Variants in CDH22 observed in about 807,000 individuals in gnomAD.
The protein encoded by CDH22 is cadherin-22.
CDH22 carries 30 observed loss-of-function variants against 58.4 expected under a neutral mutation model. The observed-to-expected ratio is 0.51, with a 90% CI of 0.38 to 0.70. The LOEUF (loss-of-function observed/expected upper bound fraction) is 0.70, where lower values mean the gene tolerates loss of function less well. Among genes scored for constraint, CDH22 ranks in the 30% least tolerant of loss-of-function variants. The pLI is 0.00. For missense variants in CDH22, 1,014 were observed against 1,233.9 expected, an observed-to-expected ratio of 0.82 and a Z score of 2.67; for synonymous variants, 513 against 558.2, an observed-to-expected ratio of 0.92 and a Z score of 1.14.
chr20:46,174,861 C>A lies in CDH22; in HGVS notation c.2132G>T (p.Gly711Val). 1 of 1,325,008 alleles carries A rather than the reference C, an allele frequency of 7.5e-7. No individual in the cohort carries two copies. The highest frequency in any genetic ancestry group is 9.6e-7 in the Non-Finnish European group (1 of 1,037,876). The allele number at this position is 1,325,008 out of a possible 1,614,324, so 82.1% of individuals were successfully genotyped here. ...DGGGSAGGGA[G>V]GGSGGGAGSP... ...GCCCGCGCCCCCGCCCGAGCCCCCG[C>A]CCGCTCCCCCGCCCGCGCTGCCGCC... The change falls in exon 12 of 12, where the codon GGC becomes GTC. Residue 711 changes from glycine to valine, a missense_variant. Physicochemically the swap from Gly to Val is moderately radical, Grantham distance 109 (BLOSUM62 -3). Transcript: ENST00000537909. This position sits in a 1 kb window ranked among gnomAD's most constrained non-coding sequence, Gnocchi z 4.4.
At chr20:46,268,686 GGA>G (rs1367905620) in intron 1 of CDH22, among the ~76,000 whole-genome samples, 1 of 152,236 alleles carries the variant, frequency 6.6e-6, no homozygotes. Flanking sequence ...ATGGGAGAGG[GGA>G]GAGGCCAGAG....
intron 1 of CDH22, among the ~76,000 whole-genome samples, chr20:46,273,642 C>A (rs1218597543): frequency 6.6e-6 from 1 of 152,150 alleles, no homozygotes; most frequent in East Asian, 1.9e-4. Context: ...TCCGGAGAGG[C>A]AGGGCTGTGA....
intron 7 of CDH22, among the ~76,000 whole-genome samples, chr20:46,201,048 G>A (rs1272632687): frequency 6.6e-6 from 1 of 152,222 alleles, no homozygotes; most frequent in East Asian, 1.9e-4. Context: ...GGCGGCTCCA[G>A]GCCTTAAAGG....
chr20:46,247,598 A>G (rs1406263446), intron 2 of CDH22, among the ~76,000 whole-genome samples: 7 of 152,158 alleles, frequency 4.6e-5, no homozygotes. Flanking sequence ...ATGTTATGCT[A>G]TTTTATATTG....
intron 1 of CDH22, among the ~76,000 whole-genome samples, chr20:46,306,129 T>TG (rs1337955094): frequency 6.6e-6 from 1 of 152,214 alleles, no homozygotes; most frequent in Non-Finnish European, 1.5e-5. Context: ...CTGGGAGCAC[T>TG]GGGGGTCTAA....
chr20:46,191,420 T>C (rs1292293542), intron 8 of CDH22, among the ~76,000 whole-genome samples: 3 of 151,576 alleles, frequency 2.0e-5, no homozygotes, highest in African/African-American at 4.9e-5. Flanking sequence ...TGAGTGGGCG[T>C]GGGGATGGGG....
intron 10 of CDH22, among the ~76,000 whole-genome samples, chr20:46,178,731 C>T (rs976695568): frequency 9.9e-5 from 15 of 151,786 alleles, no homozygotes; most frequent in African/African-American, 3.6e-4. Context: ...AGTCCTGGGT[C>T]CTCAGAAGGG....
At chr20:46,295,358 CA>C (rs1380604606) in intron 1 of CDH22, among the ~76,000 whole-genome samples, 2 of 152,358 alleles carry the variant, frequency 1.3e-5, no homozygotes, top group Non-Finnish European at 2.9e-5. Context: ...ATTTGCTACC[CA>C]GCCTGAGCTC....
intron 1 of CDH22, among the ~76,000 whole-genome samples, chr20:46,278,183 G>A (rs963193269): frequency 2.6e-5 from 4 of 152,058 alleles, no homozygotes; most frequent in Non-Finnish European, 4.4e-5. Context: ...CCCTCTGGGG[G>A]ACCACCCTCC....
chr20:46,220,198 G>T (rs56124797), intron 4 of CDH22, among the ~76,000 whole-genome samples: 47,380 of 151,068 alleles, frequency 0.31, 8,177 homozygotes, highest in African/African-American at 0.48. Context: ...GGAAGATTGC[G>T]GGGGGAGGTA....
chr20:46,259,666 A>AG (rs1314496773), intron 1 of CDH22, among the ~76,000 whole-genome samples: 3 of 152,158 alleles, frequency 2.0e-5, no homozygotes, highest in African/African-American at 4.8e-5. Flanking sequence ...TGCCTGGAGG[A>AG]GGGGGGCATT....
Position 46,177,946 on chromosome 20 carries a change from C to T in CDH22, c.1915G>A (p.Val639Met). Residue 639 changes from valine to methionine, a missense_variant and splice_region_variant, in exon 11 of 12, where the codon GTG becomes ATG. Physicochemically the swap from Val to Met is conservative, Grantham distance 21. Coordinates refer to ENST00000537909, the MANE Select transcript of CDH22 (RefSeq NM_021248.3). ...GCTGGGTGGCTCTCGATGGACTCAC[C>T]AACCAGGATGAGAACGCAGACCAAG... Reference protein sequence around the residue: ...ALLVCVLILVVLVLLILTLRR... With the variant: ...ALLVCVLILVMLVLLILTLRR... 1 of 1,613,474 alleles carries T rather than the reference C, an allele frequency of 6.2e-7. No individual in the cohort carries two copies. Among genetic ancestry groups the T allele is most frequent in the Non-Finnish European group, 8.5e-7 (1 of 1,179,772 alleles).
At chr20:46,236,511 AATT>A (rs2086252579) in intron 3 of CDH22, among the ~76,000 whole-genome samples, 1 of 142,612 alleles carries the variant, frequency 7.0e-6, no homozygotes, top group Non-Finnish European at 1.5e-5. Context: ...ATATATATTT[AATT>A]ATATATAATA....
chr20:46,243,290 G>T (rs1273747352), intron 2 of CDH22, among the ~76,000 whole-genome samples: 1 of 152,230 alleles, frequency 6.6e-6, no homozygotes, highest in Non-Finnish European at 1.5e-5. Context: ...GTGCCATTTG[G>T]AAGATTGAAT....
intron 7 of CDH22, among the ~76,000 whole-genome samples, chr20:46,209,183 C>G (rs940599631): frequency 3.9e-5 from 6 of 152,166 alleles, no homozygotes; most frequent in Non-Finnish European, 7.3e-5. Flanking sequence ...CAGAGAAGGT[C>G]TCACTGAGAA....
At chr20:46,197,265 A>C (rs1031834405) in intron 8 of CDH22, among the ~76,000 whole-genome samples, 1 of 150,882 alleles carries the variant, frequency 6.6e-6, no homozygotes, top group Non-Finnish European at 1.5e-5. Flanking sequence ...ATAATTCAAT[A>C]AAGTATGTGC....
intron 7 of CDH22, among the ~76,000 whole-genome samples, chr20:46,208,889 G>T (rs903512893): frequency 6.6e-6 from 1 of 152,142 alleles, no homozygotes; most frequent in Non-Finnish European, 1.5e-5. Flanking sequence ...CACCACACCC[G>T]GCCTCTATTT....
At chr20:46,199,759 G>C (rs1334634419) in intron 7 of CDH22, among the ~76,000 whole-genome samples, 200 bp from the exon 8 acceptor site, 2 of 152,152 alleles carry the variant, frequency 1.3e-5, no homozygotes, top group African/African-American at 4.8e-5. Context: ...TGTGACCATG[G>C]GCAGCCCTCA....
chr20:46,190,585 C>T lies in CDH22; in HGVS notation c.1424-3638G>A, dbSNP rs969090889. Among the ~76,000 whole-genome samples the T allele has an allele frequency of 3.9e-5, 6 of 152,246 alleles. No homozygotes were observed. The East Asian group carries it at 9.6e-4, about 24-fold the overall frequency. ...GACATGCAAATTAGTTTAATTATTT[C>T]TTCTTCTAAAATAAATTATATTTTG... On this transcript the variant is annotated intron_variant, in intron 8 of 11. Transcript: ENST00000537909.
Sources: gnomAD v4.1 joint callset for allele counts (sites outside exome capture counted in the v4.1 genomes callset) on GRCh38, gnomAD v4.1.1 for gene constraint, Gnocchi (gnomAD v3.1) non-coding constraint, MANE v1.5 for transcripts, NCBI Gene and HGNC (gene_info 2026-07-23, HGNC 2026-07-21) for gene names.